The following C9orf57 variants were observed in gnomAD, a reference collection of about 807,000 sequenced individuals.
C9orf57 encodes chromosome 9 open reading frame 57, also known as uncharacterized protein C9orf57.
A neutral mutation model predicts 12.9 loss-of-function variants in C9orf57; 12 were observed. The ratio of observed to expected loss-of-function variants is 0.93; its 90% CI spans 0.60 to 1.51. C9orf57 has a LOEUF of 1.51. C9orf57 is among the 40% of genes most tolerant of loss of function. C9orf57 has a pLI of 0.00. For missense variants in C9orf57, 141 were observed against 162.8 expected, an observed-to-expected ratio of 0.87 and a Z score of 0.73; for synonymous variants, 49 against 57.1, an observed-to-expected ratio of 0.86 and a Z score of 0.64.
rs1181303683 is a variant in C9orf57 at position 72,056,189 on chromosome 9, T to G, written c.165A>C (p.Gly55=). The change falls in exon 4 of 5, where the codon GGA becomes GGC. Residue 55 remains glycine, a synonymous_variant. Transcript: ENST00000651200. ...GATTGCATGCTCTGCAAATCAAACCTCCAACATCTCCAAGTACAGGGGCAG... is the reference window on the plus strand; with the variant it reads ...GATTGCATGCTCTGCAAATCAAACCGCCAACATCTCCAAGTACAGGGGCAG... ...WKEEVHIQDV[G]GLICRACNLS... 6.5e-6 allele frequency: 10 copies of G among 1,548,118 alleles called. No homozygotes were observed. Among genetic ancestry groups the G allele is most frequent in the Non-Finnish European group, 7.0e-6 (8 of 1,145,076 alleles).
intron 4 of C9orf57, among the ~76,000 whole-genome samples, chr9:72,054,971 G>A (rs1445646874): frequency 7.4e-6 from 1 of 135,714 alleles, no homozygotes; most frequent in African/African-American, 2.8e-5. Flanking sequence ...CGAGGCTGCA[G>A]TGCAGTGGTT....
At chr9:72,053,790 A>C (rs907278061) in intron 4 of C9orf57, among the ~76,000 whole-genome samples, 1 of 152,160 alleles carries the variant, frequency 6.6e-6, no homozygotes, top group African/African-American at 2.4e-5. Flanking sequence ...CCACAGAAAA[A>C]TTTAGAGTTT....
chr9:72,052,577 T>TGGAAA, intron 4 of C9orf57, 142 bp from the exon 5 acceptor site: 1 of 743,014 alleles, frequency 1.3e-6, no homozygotes, highest in Non-Finnish European at 2.1e-6. Context: ...TTAAGAATGG[T>TGGAAA]TCATTTCATT....
chr9:72,059,502 A>G, intron 1 of C9orf57, 118 bp from the exon 2 acceptor site: 2 of 1,234,082 alleles, frequency 1.6e-6, no homozygotes, highest in Non-Finnish European at 2.2e-6. Flanking sequence ...GAAGGAGGAA[A>G]AATAAGGTAC....
intron 2 of C9orf57, 150 bp downstream of exon 2, chr9:72,059,085 C>A: frequency 1.1e-6 from 1 of 902,900 alleles, no homozygotes; most frequent in South Asian, 2.0e-5. Context: ...CCATGTTGGT[C>A]AGGCTGGTCT....
In C9orf57 at chr9:72,055,374, C is replaced by CTCCT. The variant is rs1161301685; in HGVS notation, c.280+696_280+699dup. On this transcript the variant is annotated intron_variant, in intron 4 of 4. Transcript: ENST00000651200. ...ATTCTTTCCCTCCCTCCCTCCCTCC[C>CTCCT]TCCTTCCTTCCTTCCTTCCTTCCTT... Among the ~76,000 whole-genome samples the CTCCT allele has an allele frequency of 2.9e-3, 169 of 58,102 alleles. 6 individuals carry two copies. Among genetic ancestry groups the CTCCT allele is most frequent in the East Asian group, 0.013 (21 of 1,556 alleles). The allele number at this position is 58,102 out of a possible 152,430, so 38.1% of individuals were successfully genotyped here.
chr9:72,054,793 T>C (rs994133839), intron 4 of C9orf57, among the ~76,000 whole-genome samples: 1 of 152,028 alleles, frequency 6.6e-6, no homozygotes, highest in Non-Finnish European at 1.5e-5. Flanking sequence ...ATGTTTCTTA[T>C]ATTTTCACCC....
intron 3 of C9orf57, among the ~76,000 whole-genome samples, 160 bp from the exon 4 acceptor site, chr9:72,056,356 A>T (rs1021629425): frequency 6.7e-6 from 1 of 148,494 alleles, no homozygotes; most frequent in Admixed American, 6.8e-5. Context: ...AAATATATAT[A>T]TTTTATTTTT....
intron 2 of C9orf57, among the ~76,000 whole-genome samples, chr9:72,058,270 C>G (rs552123082): frequency 6.6e-6 from 1 of 152,166 alleles, no homozygotes; most frequent in Admixed American, 6.5e-5. Flanking sequence ...AAGCAATTCT[C>G]CAGCCTCAGC....
chr9:72,053,397 A>T (rs1000108941), intron 4 of C9orf57, among the ~76,000 whole-genome samples: 10 of 152,236 alleles, frequency 6.6e-5, no homozygotes, highest in African/African-American at 2.2e-4. Context: ...CGAACACTGT[A>T]GTCATTCCAG....
At position 72,052,023 on chromosome 9, in the gene C9orf57, C is replaced by T. The variant is rs1234048763; in HGVS notation, c.*273G>A. ...TGGAGAATCACTAACATTTTTCCTT[C>T]TTTGTAGCCTTGTGGTAGGAAGGTA... On this transcript the variant is annotated 3_prime_UTR_variant, in exon 5 of 5. Transcript: ENST00000651200. The T allele has an allele frequency of 3.1e-5, 11 of 349,206 alleles. No individual in the cohort carries two copies. The highest frequency in any genetic ancestry group is 4.7e-5 in the Non-Finnish European group (9 of 192,738). The allele number at this position is 349,206 out of a possible 1,614,324, so 21.6% of individuals were successfully genotyped here.
At chr9:72,055,218 T>G (rs1824164688) in intron 4 of C9orf57, among the ~76,000 whole-genome samples, 1 of 152,006 alleles carries the variant, frequency 6.6e-6, no homozygotes, top group African/African-American at 2.4e-5. Context: ...ATTATAGGCA[T>G]GAGTCACTGT....
chr9:72,052,422 C>G lies in C9orf57; in HGVS notation c.294G>C (p.Trp98Cys). ...TCTTTGTGCAGCCTTTGACTGAATA[C>G]CATTGAATGCCACCTGACGGAGAGA... is the stretch of plus-strand genomic sequence containing the variant. Reference protein sequence around the residue: ...EEVHIQGGIQWYSVKGCTKNT... With the variant: ...EEVHIQGGIQCYSVKGCTKNT... The change falls in exon 5 of 5, where the codon TGG becomes TGC. Residue 98 changes from tryptophan (W) to cysteine (C), a missense_variant. Physicochemically the swap from Trp to Cys is radical, Grantham distance 215. Coordinates refer to ENST00000651200, the MANE Select transcript of C9orf57 (RefSeq NM_001128618.2). 6.4e-7 allele frequency: 1 copy of G among 1,551,862 alleles called. No individual in the cohort carries two copies. Among genetic ancestry groups the G allele is most frequent in the Non-Finnish European group, 8.7e-7 (1 of 1,146,946 alleles).
At chr9:72,055,271 C>G (rs908616249) in intron 4 of C9orf57, among the ~76,000 whole-genome samples, 9 of 151,680 alleles carry the variant, frequency 5.9e-5, no homozygotes, top group Admixed American at 5.9e-4. Flanking sequence ...TCCATTGTTT[C>G]CTGCCTTCCT....
rs561715298 is a variant in C9orf57 at position 72,060,568 on chromosome 9, C to T, written c.-125G>A. 1.3e-5 allele frequency: 20 copies of T among 1,543,162 alleles called. 1 individual carries two copies. In the South Asian group the frequency reaches 1.8e-4, roughly 14 times the overall value. ...TTTCTTAAAAGGATGAGAACGAGTA[C>T]AATTTGTGATGTGATGAAGTCCGTT... On this transcript the variant is annotated 5_prime_UTR_variant, in exon 1 of 5. Coordinates refer to ENST00000651200, the MANE Select transcript of C9orf57 (RefSeq NM_001128618.2).
intron 2 of C9orf57, among the ~76,000 whole-genome samples, chr9:72,057,664 T>C (rs888743275): frequency 2.6e-5 from 4 of 152,204 alleles, no homozygotes; most frequent in African/African-American, 9.7e-5. Flanking sequence ...TAAAATTCAT[T>C]CAGTTCCTCA....
intron 4 of C9orf57, among the ~76,000 whole-genome samples, chr9:72,054,692 A>G (rs1020719848): frequency 6.6e-6 from 1 of 152,058 alleles, no homozygotes; most frequent in Non-Finnish European, 1.5e-5. Context: ...TTGCCTTCCT[A>G]CTTCCTTTAA....
At position 72,052,384 on chromosome 9, in the gene C9orf57, C is replaced by A. The variant is rs765413485; in HGVS notation, c.332G>T (p.Cys111Phe). 3.1e-5 allele frequency: 48 copies of A among 1,551,852 alleles called. No homozygotes were observed. Among genetic ancestry groups the A allele is most frequent in the Non-Finnish European group, 4.1e-5 (47 of 1,146,886 alleles). Residue 111 changes from cysteine to phenylalanine, a missense_variant, in exon 5 of 5, where the codon TGC becomes TTC. Coordinates refer to ENST00000651200, the MANE Select transcript of C9orf57 (RefSeq NM_001128618.2). ...TCTCTTGACGAGAGTACTCTTGAAG[C>A]ACTCTGATGTGTTCTTTGTGCAGCC... ...VKGCTKNTSE[C>F]FKSTLVKRIL...
intron 2 of C9orf57, among the ~76,000 whole-genome samples, chr9:72,057,210 A>T (rs1474894205): frequency 6.6e-6 from 1 of 151,516 alleles, no homozygotes; most frequent in Non-Finnish European, 1.5e-5. Flanking sequence ...TATTTTAAAA[A>T]TTCTAAAACC....
Sources: allele counts gnomAD v4.1 joint callset (sites outside exome capture counted in the v4.1 genomes callset), GRCh38; gene constraint gnomAD v4.1.1; transcripts MANE v1.5; gene names NCBI Gene and HGNC (gene_info 2026-07-23, HGNC 2026-07-21).